Variants in CYRIB observed in about 807,000 individuals in gnomAD.
CYRIB encodes CYFIP-related Rac1 interactor B.
Under a neutral mutation model 44.2 loss-of-function variants are expected in CYRIB, and 8 were observed. The ratio of observed to expected loss-of-function variants is 0.18; its 90% CI spans 0.11 to 0.33. The LOEUF (loss-of-function observed/expected upper bound fraction) is 0.33, where lower values mean the gene tolerates loss of function less well. Ranked by LOEUF, CYRIB falls within the 10% of genes least tolerant of loss-of-function variation. The pLI is 1.00. For missense variants in CYRIB, 185 were observed against 382.8 expected (o/e 0.48, Z 4.31); for synonymous variants, 131 against 127.2 (o/e 1.03, Z -0.20).
intron 1 of CYRIB, among the ~76,000 whole-genome samples, chr8:129,938,159 T>TA (rs2093146032): frequency 6.6e-6 from 1 of 152,120 alleles, no homozygotes; most frequent in Non-Finnish European, 1.5e-5. Context: ...TTATGAATGC[T>TA]GATTAGGGAG....
chr8:129,851,984 C>T (rs911916048), intron 8 of CYRIB, 178 bp downstream of exon 10: 1 of 398,418 alleles, frequency 2.5e-6, no homozygotes, highest in Non-Finnish European at 4.4e-6. Context: ...TCCAGAGAAA[C>T]TGCAAATACG....
chr8:130,015,526 C>T (rs1332494447), intron 1 of CYRIB, among the ~76,000 whole-genome samples: 1 of 152,174 alleles, frequency 6.6e-6, no homozygotes, highest in African/African-American at 2.4e-5. Flanking sequence ...GTGACACTCC[C>T]CCGCAGCCCC....
At chr8:129,842,246 A>C in intron 11 of CYRIB, 41 bp from the exon 14 acceptor site, 1 of 1,405,810 alleles carries the variant, frequency 7.1e-7, no homozygotes. Flanking sequence ...TAGGAACTTA[A>C]AAAATAATCA....
At chr8:129,873,200 TAG>T (rs2057971518) in intron 3 of CYRIB, among the ~76,000 whole-genome samples, 1 of 151,966 alleles carries the variant, frequency 6.6e-6, no homozygotes, top group Non-Finnish European at 1.5e-5. Flanking sequence ...AATCATTTTT[TAG>T]GAGGAAAATA....
At chr8:129,949,866 T>TA (rs1029192802) in intron 2 of CYRIB, among the ~76,000 whole-genome samples, 4 of 150,626 alleles carry the variant, frequency 2.7e-5, no homozygotes, top group African/African-American at 4.9e-5. Context: ...AACTCCATCT[T>TA]AAAAAAAAAT....
chr8:129,845,326 A>C (rs1403648984), intron 11 of CYRIB, among the ~76,000 whole-genome samples: 2 of 152,224 alleles, frequency 1.3e-5, no homozygotes, highest in East Asian at 3.8e-4. Flanking sequence ...AGAAAGACAA[A>C]GTCTTGGGAG....
chr8:129,869,904 AG>A (rs113089502), intron 4 of CYRIB, among the ~76,000 whole-genome samples: 6,396 of 151,746 alleles, frequency 0.042, 230 homozygotes, highest in African/African-American at 0.095. Flanking sequence ...GCCCAAAAAA[AG>A]GAATGGTTCC....
At chr8:129,873,635 T>G (rs1588160963) in intron 3 of CYRIB, among the ~76,000 whole-genome samples, 1 of 152,028 alleles carries the variant, frequency 6.6e-6, no homozygotes, top group East Asian at 1.9e-4. Flanking sequence ...GTTTAGCTAT[T>G]ATATATCAAA....
intron 11 of CYRIB, 39 bp from the exon 14 acceptor site, chr8:129,842,244 T>TA (rs749702365): frequency 4.4e-5 from 63 of 1,429,590 alleles, no homozygotes; most frequent in Non-Finnish European, 6.1e-5. Flanking sequence ...TTTAGGAACT[T>TA]AAAAAATAAT....
chr8:129,977,295 T>C (rs1472109560), intron 1 of CYRIB, among the ~76,000 whole-genome samples: 1 of 152,194 alleles, frequency 6.6e-6, no homozygotes, highest in East Asian at 1.9e-4. Context: ...TTCACACTCG[T>C]TCACAGTAGA....
chr8:129,885,032 A>G lies in CYRIB; in HGVS notation c.-10-5561T>C, dbSNP rs192269488. On this transcript the variant is annotated intron_variant, in intron 2 of 11. Coordinates refer to ENST00000519824, the Ensembl canonical transcript of CYRIB. ...AACATTTGAAAAGAAGTTTCCTTACAGAATAATAGCCAATAGAAACAACTA... is the reference window on the plus strand; with the variant it reads ...AACATTTGAAAAGAAGTTTCCTTACGGAATAATAGCCAATAGAAACAACTA... 4.4e-3 allele frequency among the ~76,000 whole-genome samples: 675 copies of G among 152,368 alleles called. 2 individuals carry two copies. The highest frequency in any genetic ancestry group is 7.4e-3 in the Non-Finnish European group (501 of 68,040).
At chr8:129,927,136 A>C (rs114599577) in intron 1 of CYRIB, among the ~76,000 whole-genome samples, 4,919 of 151,714 alleles carry the variant, frequency 0.032, 158 homozygotes, top group African/African-American at 0.081. Flanking sequence ...TACACACACA[A>C]AAAAAAATAG....
chr8:129,929,434 T>C (rs149490180), intron 1 of CYRIB, among the ~76,000 whole-genome samples: 17 of 152,298 alleles, frequency 1.1e-4, no homozygotes, highest in African/African-American at 3.4e-4. Context: ...TCCTAGACTA[T>C]GGTAATGGTT....
intron 1 of CYRIB, among the ~76,000 whole-genome samples, chr8:129,911,986 G>A (rs1479322227): frequency 6.6e-6 from 1 of 152,158 alleles, no homozygotes; most frequent in Non-Finnish European, 1.5e-5. Flanking sequence ...ACAGGTTTAA[G>A]ATACGTTCTG....
At chr8:129,917,853 T>A (rs1046219457) in intron 1 of CYRIB, among the ~76,000 whole-genome samples, 6 of 152,106 alleles carry the variant, frequency 3.9e-5, no homozygotes, top group Non-Finnish European at 8.8e-5. Flanking sequence ...CGAGACACCA[T>A]CTCAAAAAAG....
At chr8:129,974,715 C>T (rs1365437088) in intron 1 of CYRIB, among the ~76,000 whole-genome samples, 1 of 149,550 alleles carries the variant, frequency 6.7e-6, no homozygotes, top group Non-Finnish European at 1.5e-5. Context: ...AAAAAAATCA[C>T]AGATTTTTTT....
At chr8:129,860,889 G>T (rs2049048434) in intron 5 of CYRIB, among the ~76,000 whole-genome samples, 1 of 150,036 alleles carries the variant, frequency 6.7e-6, no homozygotes, top group Non-Finnish European at 1.5e-5. Context: ...AAACCATACA[G>T]TGACCAAGTG....
intron 2 of CYRIB, chr8:129,879,751 A>G (rs2060253133): frequency 3.1e-6 from 1 of 319,902 alleles, no homozygotes. Flanking sequence ...ATGGCCTTAT[A>G]ATGAAAAATT....
chr8:129,943,790 G>C (rs1363915968), upstream of CYRIB, among the ~76,000 whole-genome samples: 1 of 150,098 alleles, frequency 6.7e-6, no homozygotes, highest in African/African-American at 2.4e-5. Context: ...TAGTAGAGAC[G>C]GGGTTTCACC....
Sources: gnomAD v4.1 joint callset for allele counts (sites outside exome capture counted in the v4.1 genomes callset) on GRCh38, gnomAD v4.1.1 for gene constraint, MANE v1.5 for transcripts, NCBI Gene and HGNC (gene_info 2026-07-23, HGNC 2026-07-21) for gene names.